The following SUN1 variants were observed in gnomAD, a reference collection of about 807,000 sequenced individuals.
SUN1 encodes Sad1 and UNC84 domain containing 1.
Under a neutral mutation model 103.2 loss-of-function variants are expected in SUN1, and 61 were observed. The ratio of observed to expected loss-of-function variants is 0.59; its 90% confidence interval spans 0.48 to 0.73. SUN1 has a LOEUF of 0.73. Ranked by LOEUF, SUN1 falls within the 30% of genes least tolerant of loss-of-function variation. The pLI, the probability that SUN1 is intolerant of heterozygous loss-of-function variation, is 0.00. For missense variants in SUN1, 1,052 were observed against 1,034.6 expected, an observed-to-expected ratio of 1.02 and a Z score of -0.23; for synonymous variants, 490 against 425.7, an observed-to-expected ratio of 1.15 and a Z score of -1.86.
At chr7:860,432 G>A (rs1015756537) in intron 14 of SUN1, 50 bp downstream of exon 14, 2 of 1,595,246 alleles carry the variant, frequency 1.3e-6, no homozygotes, top group Non-Finnish European at 1.7e-6. Context: ...ATTCTGTGCT[G>A]AGACTGAAGA....
intron 18 of SUN1, 145 bp from the exon 19 acceptor site, chr7:873,068 CAG>C: frequency 1.3e-6 from 1 of 761,934 alleles, no homozygotes. Context: ...GCCTGGGTGA[CAG>C]GGCAAGACTC....
rs1271797025 is a variant in SUN1 at position 851,229 on chromosome 7, A to G, written c.659-155A>G. On this transcript the variant is annotated intron_variant, in intron 5 of 18. Coordinates refer to ENST00000401592, the MANE Select transcript of SUN1 (RefSeq NM_001130965.3). ...TCAGTGCAATATTGCCAGCACTTAC[A>G]AGAGTTATTTGGCTTTTCATATTTT... is the stretch of plus-strand genomic sequence containing the variant. 1.2e-5 allele frequency: 7 copies of G among 563,942 alleles called. No homozygotes were observed. The South Asian group carries it at 1.4e-4, about 11-fold the overall frequency. The allele number at this position is 563,942 out of a possible 1,614,324, so 34.9% of individuals were successfully genotyped here. A position where few individuals can be genotyped will look rare whatever the true frequency, so the allele number is the denominator to read the frequency against.
chr7:843,457 A>C lies in SUN1; in HGVS notation c.595A>C (p.Thr199Pro). The C allele has an allele frequency of 6.2e-7, 1 of 1,614,178 alleles. No individual in the cohort carries two copies. Among genetic ancestry groups the C allele is most frequent in the Non-Finnish European group, 8.5e-7 (1 of 1,180,018 alleles). Residue 199 changes from threonine to proline, a missense_variant, in exon 5 of 19, where the codon ACG becomes CCG. Coordinates refer to ENST00000401592, the MANE Select transcript of SUN1 (RefSeq NM_001130965.3). ...GCTGTCCGAGCGCAAGGACGTGCTC[A>C]CGGCGCACCCCGCGGCCCCCGGGCC... is the stretch of plus-strand genomic sequence containing the variant. ...SMLSERKDVL[T>P]AHPAAPGPVS...
intron 3 of SUN1, 114 bp downstream of exon 3, chr7:842,244 G>GA: frequency 8.5e-7 from 1 of 1,174,422 alleles, no homozygotes; most frequent in East Asian, 2.5e-5. Flanking sequence ...TTATGCTAGG[G>GA]AGAGGGAGGC....
rs1022296748 is a variant in SUN1 at position 820,415 on chromosome 7, T to C, written c.-74+3742T>C. Among the ~76,000 whole-genome samples, 3 of 152,262 alleles carry C rather than the reference T, an allele frequency of 2.0e-5. No homozygotes were observed. The East Asian group carries it at 5.8e-4, about 29-fold the overall frequency. On this transcript the variant is annotated intron_variant, in intron 1 of 17. Coordinates refer to the SUN1 transcript ENST00000389574. ...TGTAGAAATGCAACTGACTTTTTATTGATCTTGTATCCTGAAACTTTGCTG... is the reference window on the plus strand; with the variant it reads ...TGTAGAAATGCAACTGACTTTTTATCGATCTTGTATCCTGAAACTTTGCTG...
chr7:856,934 G>A (rs907369781), intron 12 of SUN1, among the ~76,000 whole-genome samples: 1 of 152,154 alleles, frequency 6.6e-6, no homozygotes, highest in South Asian at 2.1e-4. Flanking sequence ...CGTGGCTGTC[G>A]GCCCTGCCGC....
rs546567213 is a variant in SUN1 at position 853,727 on chromosome 7, A to C, written c.1263+109A>C. ...GGACAGGAGAGGTGCCGTTGTGAAAAGGGGTTGCCCTTTCTGTTCTTAGTT... is the reference window on the plus strand; with the variant it reads ...GGACAGGAGAGGTGCCGTTGTGAAACGGGGTTGCCCTTTCTGTTCTTAGTT... On this transcript the variant is annotated intron_variant, in intron 10 of 18. Transcript: ENST00000401592. The C allele has an allele frequency of 5.6e-6, 7 of 1,254,298 alleles. No homozygotes were observed. The African/African-American group carries it at 8.9e-5, about 16-fold the overall frequency. The allele number at this position is 1,254,298 out of a possible 1,614,324, so 77.7% of individuals were successfully genotyped here. A position where few individuals can be genotyped will look rare whatever the true frequency, so the allele number is the denominator to read the frequency against.
At chr7:824,330 G>GC (rs1410112067) in intron 1 of SUN1, among the ~76,000 whole-genome samples, 1 of 152,244 alleles carries the variant, frequency 6.6e-6, no homozygotes, top group Non-Finnish European at 1.5e-5. Flanking sequence ...GGAGGAGGAT[G>GC]CTGAGTGTGG....
At chr7:869,318 C>T in intron 16 of SUN1, 31 bp from the exon 17 acceptor site, 2 of 1,607,832 alleles carry the variant, frequency 1.2e-6, no homozygotes, top group Non-Finnish European at 1.7e-6. Flanking sequence ...CATGCTCACA[C>T]TCTGAGTCCT....
chr7:837,431 T>C (rs562386385), intron 1 of SUN1, among the ~76,000 whole-genome samples: 87 of 152,306 alleles, frequency 5.7e-4, no homozygotes, highest in African/African-American at 1.9e-3. Context: ...TGGTTTTCAA[T>C]TGGAGTCAAT....
intron 5 of SUN1, chr7:849,643 A>G (rs1020404517): frequency 6.5e-7 from 1 of 1,537,546 alleles, no homozygotes; most frequent in African/African-American, 1.4e-5. Context: ...TCGGTCGTGG[A>G]GTTGGTCCCA....
chr7:833,068 A>G (rs1562547610), intron 1 of SUN1: 1 of 156,622 alleles, frequency 6.4e-6, no homozygotes, highest in Non-Finnish European at 1.4e-5. Flanking sequence ...ATTCCGATCC[A>G]CTGAACCAAG....
At position 817,431 on chromosome 7, in the gene SUN1, G is replaced by A. The variant is rs1325393534; in HGVS notation, c.-74+758G>A. 5 of 1,536,022 alleles carry A rather than the reference G, an allele frequency of 3.3e-6. No homozygotes were observed. The Admixed American group carries it at 7.8e-5, about 24-fold the overall frequency. The stretch of plus-strand genomic sequence containing the variant: ...GTCTGGTGCAAAATAAGCAGCGGCG[G>A]GGAACACCTTGCCACTGTCACCGTC... On this transcript the variant is annotated intron_variant, in intron 1 of 17. Transcript: ENST00000389574.
At chr7:819,665 C>A (rs1420097147) in intron 1 of SUN1, among the ~76,000 whole-genome samples, 1 of 150,674 alleles carries the variant, frequency 6.6e-6, no homozygotes, top group Non-Finnish European at 1.5e-5. Flanking sequence ...TTTTTGGACC[C>A]AGTTCTGTTC....
intron 5 of SUN1, chr7:848,682 CTT>C (rs1818920599): frequency 6.8e-6 from 8 of 1,179,604 alleles, no homozygotes; most frequent in Non-Finnish European, 8.8e-6. Context: ...AGTGCTGTGA[CTT>C]TCCTCGCCAG....
intron 3 of SUN1, 79 bp downstream of exon 3, chr7:842,209 T>C: frequency 6.6e-7 from 1 of 1,508,532 alleles, no homozygotes; most frequent in Non-Finnish European, 9.0e-7. Context: ...GGGGAGGCGG[T>C]GGCCAGGTTG....
Position 869,578 on chromosome 7 carries a change from G to A in SUN1, c.2148+62G>A, listed in dbSNP as rs559061071. On this transcript the variant is annotated intron_variant, in intron 17 of 18. Coordinates refer to ENST00000401592, the MANE Select transcript of SUN1 (RefSeq NM_001130965.3). ...TTCCTGGGAGTTCCCACAGATGAAA[G>A]CAAGTGACGTGAGCGCACTGGGGAC... is the stretch of plus-strand genomic sequence containing the variant. 2.3e-5 allele frequency: 37 copies of A among 1,580,012 alleles called. No homozygotes were observed. The African/African-American group carries it at 3.9e-4, about 17-fold the overall frequency.
At chr7:853,938 G>C (rs1036018370) in intron 10 of SUN1, among the ~76,000 whole-genome samples, 1 of 152,118 alleles carries the variant, frequency 6.6e-6, no homozygotes, top group Non-Finnish European at 1.5e-5. Context: ...CCTCTTAGTG[G>C]CAGGTCATGG....
At chr7:849,956 C>A in intron 5 of SUN1, 1 of 1,601,366 alleles carries the variant, frequency 6.2e-7, no homozygotes, top group Non-Finnish European at 8.5e-7. Flanking sequence ...CACCTCGACG[C>A]GCACACAGCC....
Sources: allele counts gnomAD v4.1 joint callset (sites outside exome capture counted in the v4.1 genomes callset), GRCh38; gene constraint gnomAD v4.1.1; transcripts MANE v1.5; gene names NCBI Gene and HGNC (gene_info 2026-07-23, HGNC 2026-07-21).